The following ADGRL2 variants were observed in gnomAD, a reference collection of about 807,000 sequenced individuals.
ADGRL2 encodes the protein calcium-independent alpha-latrotoxin receptor 2.
A neutral mutation model predicts 157.4 loss-of-function variants in ADGRL2; 44 were observed. That is an observed-to-expected ratio of 0.28 (90% confidence interval 0.22 to 0.36). The LOEUF is 0.36. Among genes scored for constraint, ADGRL2 ranks in the 10% least tolerant of loss-of-function variants. ADGRL2 has a pLI of 1.00. For missense variants in ADGRL2, 1,510 were observed against 1,768.9 expected (o/e 0.85, Z 2.63); for synonymous variants, 585 against 624.7 (o/e 0.94, Z 0.95).
At chr1:81,339,876 C>T (rs964264233) in intron 1 of ADGRL2, among the ~76,000 whole-genome samples, 1 of 152,192 alleles carries the variant, frequency 6.6e-6, no homozygotes, top group Non-Finnish European at 1.5e-5. Context: ...CATGAGTTCT[C>T]TTAAGTTCAT....
chr1:81,366,575 G>A (rs1038873899), intron 1 of ADGRL2, among the ~76,000 whole-genome samples: 2 of 152,220 alleles, frequency 1.3e-5, no homozygotes, highest in South Asian at 2.1e-4. Flanking sequence ...ATACCAAGGT[G>A]ATATTTCCCT....
In ADGRL2 at chr1:81,912,218, C is replaced by T. The variant is rs116777028; in HGVS notation, c.287+4988C>T. ...TCCCAAGTAGCTGGGATTATAGGCGCGCACCACTGTGCCCGGCTAATTTTT... is the reference window on the plus strand; with the variant it reads ...TCCCAAGTAGCTGGGATTATAGGCGTGCACCACTGTGCCCGGCTAATTTTT... On this transcript the variant is annotated intron_variant, in intron 3 of 23. Coordinates refer to ENST00000686636, the MANE Select transcript of ADGRL2 (RefSeq NM_001366006.2). Among the ~76,000 whole-genome samples, 290 of 151,686 alleles carry T rather than the reference C, an allele frequency of 1.9e-3. 4 individuals are homozygous for T. Among genetic ancestry groups the T allele is most frequent in the African/African-American group, 6.7e-3 (275 of 41,340 alleles).
chr1:81,865,687 G>T (rs2093521821), intron 2 of ADGRL2, among the ~76,000 whole-genome samples: 1 of 152,126 alleles, frequency 6.6e-6, no homozygotes. Context: ...AACTTAGGGA[G>T]ACAATTCATC....
At position 81,722,634 on chromosome 1, in the gene ADGRL2, C is replaced by T. The variant is rs2084371832; in HGVS notation, c.-143+22826C>T. The T allele has an allele frequency of 2.9e-6, 4 of 1,402,026 alleles. No homozygotes were observed. The East Asian group carries it at 6.9e-5, about 24-fold the overall frequency. 86.8% of individuals were successfully genotyped at this position (1,402,026 alleles called of 1,614,324 possible). On this transcript the variant is annotated intron_variant, in intron 1 of 20. Transcript: ENST00000359929. ...TTGCCCTTGCCTGTAAATTGGATTA[C>T]GATGAAGATGCTAGTACAATGCTGA...
At chr1:81,805,202 C>G (rs905329012) in intron 1 of ADGRL2, among the ~76,000 whole-genome samples, 2 of 151,940 alleles carry the variant, frequency 1.3e-5, no homozygotes, top group African/African-American at 4.8e-5. Flanking sequence ...TTTCTTTTAA[C>G]AATTCAATAT....
intron 2 of ADGRL2, among the ~76,000 whole-genome samples, chr1:81,458,117 A>T (rs2077843799): frequency 6.6e-6 from 1 of 152,192 alleles, no homozygotes; most frequent in Non-Finnish European, 1.5e-5. Context: ...TGTTGCCCAA[A>T]TTGACAAACT....
At chr1:81,845,315 A>G (rs1417382828) in intron 2 of ADGRL2, among the ~76,000 whole-genome samples, 3 of 152,040 alleles carry the variant, frequency 2.0e-5, no homozygotes, top group Non-Finnish European at 4.4e-5. Flanking sequence ...ACATATCTAT[A>G]TAATTATTTT....
Position 81,664,361 on chromosome 1 carries a change from C to T in ADGRL2, c.-143+83381C>T, listed in dbSNP as rs137940232. Among the ~76,000 whole-genome samples the T allele has an allele frequency of 2.5e-3, 373 of 152,132 alleles. 2 individuals carry two copies. Among genetic ancestry groups the T allele is most frequent in the African/African-American group, 8.7e-3 (361 of 41,498 alleles). ...ATGTTAAGATCTGCATGCATGTGTA[C>T]ACCCCCTCAGAAAAGCAATTTTTAA... is the stretch of plus-strand genomic sequence containing the variant. On this transcript the variant is annotated intron_variant, in intron 3 of 24. Transcript: ENST00000370721.
intron 1 of ADGRL2, among the ~76,000 whole-genome samples, chr1:81,700,020 T>C (rs2083528768): frequency 6.6e-6 from 1 of 152,172 alleles, no homozygotes; most frequent in African/African-American, 2.4e-5. Flanking sequence ...TTCTGGCTAA[T>C]GAAATGCAGA....
chr1:81,456,444 C>T (rs1319664000), intron 2 of ADGRL2, among the ~76,000 whole-genome samples: 2 of 151,962 alleles, frequency 1.3e-5, no homozygotes, highest in African/African-American at 2.4e-5. Context: ...CGCTTTGTTG[C>T]CCAGGCTAGT....
intron 2 of ADGRL2, among the ~76,000 whole-genome samples, chr1:81,450,975 AATCTTGTTC>A (rs2077692651): frequency 6.6e-6 from 1 of 152,230 alleles, no homozygotes; most frequent in South Asian, 2.1e-4. Flanking sequence ...CAAAATACAG[AATCTTGTTC>A]ATGGCTCTTT....
intron 2 of ADGRL2, among the ~76,000 whole-genome samples, chr1:81,499,218 T>C (rs2078792890): frequency 6.6e-6 from 1 of 152,270 alleles, no homozygotes; most frequent in African/African-American, 2.4e-5. Context: ...GTTATACTCT[T>C]TGGTCCAATA....
At chr1:81,753,820 A>G (rs1280471136) in intron 1 of ADGRL2, among the ~76,000 whole-genome samples, 2 of 152,198 alleles carry the variant, frequency 1.3e-5, no homozygotes, top group Admixed American at 1.3e-4. Context: ...AATATCTGGA[A>G]AGTTGTCATT....
At chr1:81,510,081 A>G (rs1203419752) in intron 2 of ADGRL2, among the ~76,000 whole-genome samples, 1 of 152,202 alleles carries the variant, frequency 6.6e-6, no homozygotes, top group Non-Finnish European at 1.5e-5. Flanking sequence ...GATGGTAATA[A>G]ACAGGCTGGT....
intron 3 of ADGRL2, among the ~76,000 whole-genome samples, chr1:81,651,673 T>C (rs1032460476): frequency 6.6e-6 from 1 of 152,158 alleles, no homozygotes; most frequent in Non-Finnish European, 1.5e-5. Context: ...ATTCATTATA[T>C]TTTGGTATAA....
chr1:81,339,916 G>A (rs183076816), intron 1 of ADGRL2, among the ~76,000 whole-genome samples: 11 of 152,116 alleles, frequency 7.2e-5, no homozygotes, highest in East Asian at 1.9e-4. Context: ...TCTTACCTAC[G>A]TTTCTTTGGT....
chr1:81,953,442 A>G (rs972806094), intron 10 of ADGRL2, among the ~76,000 whole-genome samples: 2 of 152,170 alleles, frequency 1.3e-5, no homozygotes. Flanking sequence ...TCTTTGTGGT[A>G]TACTCTTAAA....
chr1:81,900,694 T>C (rs554993631), intron 2 of ADGRL2, among the ~76,000 whole-genome samples: 1 of 152,316 alleles, frequency 6.6e-6, no homozygotes, highest in South Asian at 2.1e-4. Flanking sequence ...GCTAAACACA[T>C]GTACAGAGGA....
At chr1:81,704,422 T>A (rs2083669086) in intron 1 of ADGRL2, among the ~76,000 whole-genome samples, 1 of 152,032 alleles carries the variant, frequency 6.6e-6, no homozygotes, top group Non-Finnish European at 1.5e-5. Context: ...CGGGCCTGGA[T>A]ATGGTCTAAC....
Sources: gnomAD v4.1 joint callset for allele counts (sites outside exome capture counted in the v4.1 genomes callset) on GRCh38, gnomAD v4.1.1 for gene constraint, MANE v1.5 for transcripts, NCBI Gene and HGNC (gene_info 2026-07-23, HGNC 2026-07-21) for gene names.